PPP2R2C: variants seen among roughly 807,000 people sequenced by gnomAD.
The protein encoded by PPP2R2C is protein phosphatase 2, regulatory subunit B, gamma.
In PPP2R2C, 10 loss-of-function variants were observed where a neutral mutation model predicts 45.3. The observed-to-expected ratio is 0.22, with a 90% CI of 0.14 to 0.37. The LOEUF is 0.37. Ranked by LOEUF, PPP2R2C falls within the 10% of genes least tolerant of loss-of-function variation. The probability of loss-of-function intolerance (pLI) is 1.00; values close to 1 mark genes in which losing one functional copy is unlikely to be tolerated. For synonymous variants in PPP2R2C, 257 were observed against 245.4 expected (o/e 1.05, Z -0.44); for missense variants, 308 against 619.7 (o/e 0.50, Z 5.34).
chr4:6,331,773 G>A lies in PPP2R2C; in HGVS notation c.960+1789C>T, dbSNP rs185588527. On this transcript the variant is annotated intron_variant, in intron 7 of 8. Coordinates refer to ENST00000382599, the MANE Select transcript of PPP2R2C (RefSeq NM_020416.4). This position sits in a 1 kb window ranked among gnomAD's most constrained non-coding sequence, Gnocchi z 5.9. ...GGATCACAGAAGGAACCACTGTGGC[G>A]CTGCCGGGGTCATGGAGCCCCCCCA... Among the ~76,000 whole-genome samples the A allele has an allele frequency of 9.2e-5, 14 of 152,236 alleles. No individual in the cohort carries two copies. Among genetic ancestry groups the A allele is most frequent in the Admixed American group, 3.3e-4 (5 of 15,300 alleles).
intron 1 of PPP2R2C, among the ~76,000 whole-genome samples, chr4:6,406,372 G>T (rs536800204): frequency 6.6e-6 from 1 of 152,212 alleles, no homozygotes; most frequent in Non-Finnish European, 1.5e-5. Flanking sequence ...CTTCTTTGCT[G>T]CTTCTTCCTG....
intron 1 of PPP2R2C, among the ~76,000 whole-genome samples, chr4:6,457,178 G>A (rs532281205): frequency 1.1e-4 from 15 of 139,092 alleles, no homozygotes; most frequent in East Asian, 6.4e-4. Flanking sequence ...ACTGTACCCC[G>A]ACCTGGGCGA....
chr4:6,429,189 C>T (rs1011496734), intron 1 of PPP2R2C, among the ~76,000 whole-genome samples: 31 of 152,250 alleles, frequency 2.0e-4, no homozygotes, highest in African/African-American at 7.0e-4. Context: ...GCTGTAGCTA[C>T]CACCCCCTGT....
At chr4:6,562,596 T>C (rs1054051183) in intron 1 of PPP2R2C, among the ~76,000 whole-genome samples, 2 of 151,994 alleles carry the variant, frequency 1.3e-5, no homozygotes, top group African/African-American at 4.8e-5. Flanking sequence ...ACTGGGCCCC[T>C]GAAGGGAGGA....
At chr4:6,357,444 G>A (rs986056266) in intron 5 of PPP2R2C, among the ~76,000 whole-genome samples, 1 of 152,218 alleles carries the variant, frequency 6.6e-6, no homozygotes, top group Non-Finnish European at 1.5e-5. Flanking sequence ...TATCGAAACT[G>A]CAAGGACTCA....
In PPP2R2C at chr4:6,535,173, C is replaced by T. The variant is rs1376202868; in HGVS notation, c.49+98G>A. On this transcript the variant is annotated intron_variant, in intron 2 of 9. Transcript: ENST00000506140. ...TCCCAGCACGGTGGGGTCGGCTTCC[C>T]GCTGTCAGGCTGGCGCTGTGTCGGG... The T allele has an allele frequency of 3.8e-5, 52 of 1,369,444 alleles. No homozygotes were observed. In the East Asian group the frequency reaches 1.1e-3, roughly 28 times the overall value. 84.8% of individuals were successfully genotyped at this position (1,369,444 alleles called of 1,614,324 possible). A position where few individuals can be genotyped will look rare whatever the true frequency, so the allele number is the denominator to read the frequency against.
chr4:6,512,616 GGTA>G (rs1301449267), intron 2 of PPP2R2C, among the ~76,000 whole-genome samples: 4 of 135,088 alleles, frequency 3.0e-5, no homozygotes, highest in African/African-American at 1.1e-4. Flanking sequence ...TGATTATGGT[GGTA>G]GTGGTGGTGA....
intron 1 of PPP2R2C, among the ~76,000 whole-genome samples, chr4:6,395,592 C>T (rs114279774): frequency 0.034 from 5,170 of 152,282 alleles, 277 homozygotes; most frequent in African/African-American, 0.12. Context: ...GCGGGACCCC[C>T]CACAGCGGGG....
chr4:6,485,519 G>A (rs1348996216), intron 2 of PPP2R2C, among the ~76,000 whole-genome samples: 1 of 151,832 alleles, frequency 6.6e-6, no homozygotes, highest in Non-Finnish European at 1.5e-5. Flanking sequence ...TTGTGGAAAG[G>A]TTTTAAATTG....
At chr4:6,463,937 T>C (rs753551542) in intron 1 of PPP2R2C, among the ~76,000 whole-genome samples, 4 of 152,086 alleles carry the variant, frequency 2.6e-5, no homozygotes, top group Non-Finnish European at 5.9e-5. Context: ...ATCTCCTAAG[T>C]GTGGTGCATA....
chr4:6,519,596 T>G (rs144314823), intron 2 of PPP2R2C, among the ~76,000 whole-genome samples: 65 of 152,336 alleles, frequency 4.3e-4, no homozygotes, highest in African/African-American at 1.4e-3. Context: ...CCTCCACTAC[T>G]CAGTGGTGAG....
rs10031167 is a variant in PPP2R2C at position 6,560,550 on chromosome 4, G to A, written c.-59+3010C>T. On this transcript the variant is annotated intron_variant, in intron 1 of 9. Coordinates refer to the PPP2R2C transcript ENST00000506140. ...AGCACCCATTTCACCAGGTTGTGGC[G>A]GAAGGAAAGCAGCTCATACCTAGGA... Among the ~76,000 whole-genome samples, 1,436 of 152,194 alleles carry A rather than the reference G, an allele frequency of 9.4e-3. 21 individuals carry two copies. Among genetic ancestry groups the A allele is most frequent in the African/African-American group, 0.033 (1,381 of 41,524 alleles).
intron 2 of PPP2R2C, among the ~76,000 whole-genome samples, chr4:6,499,644 A>T (rs1722983332): frequency 6.6e-6 from 1 of 151,902 alleles, no homozygotes; most frequent in East Asian, 1.9e-4. Context: ...GCAGGAGGAG[A>T]TGATTTTTTT....
At chr4:6,511,523 TGA>T (rs1560593827) in intron 2 of PPP2R2C, among the ~76,000 whole-genome samples, 1 of 13,442 alleles carries the variant, frequency 7.4e-5, no homozygotes, top group African/African-American at 1.6e-4. Flanking sequence ...GTGGTGGTGG[TGA>T]TGGTGGTGGT....
intron 1 of PPP2R2C, among the ~76,000 whole-genome samples, chr4:6,418,811 C>A (rs533269690): frequency 6.6e-6 from 1 of 152,208 alleles, no homozygotes; most frequent in Admixed American, 6.5e-5. Flanking sequence ...CTTCCAGAAA[C>A]GTTCCTCATT....
chr4:6,464,313 C>T (rs1174957422), intron 1 of PPP2R2C, among the ~76,000 whole-genome samples: 2 of 152,190 alleles, frequency 1.3e-5, no homozygotes, highest in African/African-American at 4.8e-5. Flanking sequence ...AGATGCCTGT[C>T]TTTGCAAGGC....
At chr4:6,479,320 G>T (rs1722269407) in intron 2 of PPP2R2C, among the ~76,000 whole-genome samples, 1 of 152,166 alleles carries the variant, frequency 6.6e-6, no homozygotes, top group South Asian at 2.1e-4. Context: ...GGCTCTCTTG[G>T]CTTGTTCGAC....
chr4:6,461,138 C>T (rs1489420954), intron 1 of PPP2R2C, among the ~76,000 whole-genome samples: 1 of 152,196 alleles, frequency 6.6e-6, no homozygotes, highest in Non-Finnish European at 1.5e-5. Context: ...CATCGCCTCT[C>T]CCAGGAAGGC....
intron 1 of PPP2R2C, among the ~76,000 whole-genome samples, chr4:6,429,594 G>C (rs542544972): frequency 1.0e-3 from 157 of 152,304 alleles, no homozygotes; most frequent in Non-Finnish European, 7.9e-4. Flanking sequence ...AGTCTCGCCT[G>C]CTGCTGGGTT....
Sources: allele counts gnomAD v4.1 joint callset (sites outside exome capture counted in the v4.1 genomes callset), GRCh38; gene constraint gnomAD v4.1.1; non-coding constraint Gnocchi (gnomAD v3.1); transcripts MANE v1.5; gene names NCBI Gene and HGNC (gene_info 2026-07-23, HGNC 2026-07-21).